Variants in SLC36A1 observed in about 807,000 individuals in gnomAD.
SLC36A1 encodes the protein solute carrier family 36 member 1.
In SLC36A1, 30 loss-of-function variants were observed where a neutral mutation model predicts 47.5. That is an observed-to-expected ratio of 0.63 (90% CI 0.47 to 0.86). The LOEUF is 0.86. SLC36A1 is among the 40% of genes least tolerant of loss of function. The probability of loss-of-function intolerance (pLI) is 0.00; values close to 1 mark genes in which losing one functional copy is unlikely to be tolerated. For synonymous variants in SLC36A1, 255 were observed against 249.7 expected, an observed-to-expected ratio of 1.02 and a Z score of -0.20; for missense variants, 517 against 606.0, an observed-to-expected ratio of 0.85 and a Z score of 1.54.
the SLC36A1 span, among the ~76,000 whole-genome samples, chr5:151,350,010 C>G: frequency 6.6e-6 from 1 of 152,004 alleles, no homozygotes; most frequent in African/African-American, 2.4e-5. Context: ...TGCCTGAGGT[C>G]GTATAATCTG....
chr5:151,454,079 T>G (rs913829030), intron 1 of SLC36A1, among the ~76,000 whole-genome samples: 1 of 136,510 alleles, frequency 7.3e-6, no homozygotes, highest in African/African-American at 2.9e-5. Context: ...GTTTGTACAC[T>G]TAAATTTTTT....
At chr5:151,458,341 T>TATATATATA (rs1561738201) in intron 1 of SLC36A1, among the ~76,000 whole-genome samples, 1 of 108,492 alleles carries the variant, frequency 9.2e-6, no homozygotes, top group African/African-American at 3.2e-5. Context: ...TATGGGATAT[T>TATATATATA]TATATATATA....
intron 1 of SLC36A1, among the ~76,000 whole-genome samples, chr5:151,454,488 T>G (rs1277853308): frequency 1.3e-5 from 2 of 152,122 alleles, no homozygotes; most frequent in African/African-American, 4.8e-5. Flanking sequence ...GCTTGAATCC[T>G]TACATAACTG....
the SLC36A1 span, chr5:151,380,893 G>T: frequency 2.1e-5 from 9 of 418,800 alleles, no homozygotes; most frequent in Non-Finnish European, 3.3e-5. Context: ...TCCAAGGGAC[G>T]GGGCTGCACC....
chr5:151,485,558 C>A (rs866708739), intron 10 of SLC36A1, among the ~76,000 whole-genome samples: 3 of 152,324 alleles, frequency 2.0e-5, no homozygotes, highest in Middle Eastern at 3.4e-3. Context: ...GTCTCCCCTC[C>A]CTCTGCATTT....
chr5:151,443,866 A>G (rs145187591), upstream of SLC36A1, among the ~76,000 whole-genome samples: 278 of 152,238 alleles, frequency 1.8e-3, 1 homozygote, highest in African/African-American at 6.2e-3. Context: ...TAAACATCCA[A>G]TTTCATTCTT....
chr5:151,506,878 C>A, the SLC36A1 span, among the ~76,000 whole-genome samples: 1 of 152,166 alleles, frequency 6.6e-6, no homozygotes, highest in Admixed American at 6.5e-5. Flanking sequence ...TCCAAGGGTT[C>A]TACCCAACCC....
chr5:151,445,299 G>C (rs887025194), upstream of SLC36A1, among the ~76,000 whole-genome samples: 19 of 152,168 alleles, frequency 1.2e-4, no homozygotes, highest in Non-Finnish European at 1.0e-4. Flanking sequence ...ATTAGTGTAT[G>C]TTAAACCAGC....
intron 10 of SLC36A1, chr5:151,480,265 C>T: frequency 2.3e-6 from 1 of 440,850 alleles, no homozygotes; most frequent in Non-Finnish European, 3.9e-6. Flanking sequence ...ATAGATTCCT[C>T]TTTTTGGCTC....
chr5:151,525,945 G>T, the SLC36A1 span: 1 of 1,614,154 alleles, frequency 6.2e-7, no homozygotes, highest in East Asian at 2.2e-5. Context: ...GCAGGACTTT[G>T]CTGCCAATGG....
the SLC36A1 span, chr5:151,540,636 C>T: frequency 6.2e-7 from 1 of 1,614,106 alleles, no homozygotes; most frequent in African/African-American, 1.3e-5. Context: ...AAGCCTGGAA[C>T]TTGCCATCAG....
chr5:151,435,629 T>A (rs1759727309), upstream of SLC36A1, among the ~76,000 whole-genome samples: 1 of 152,114 alleles, frequency 6.6e-6, no homozygotes, highest in African/African-American at 2.4e-5. Flanking sequence ...TTTTTGTTAA[T>A]ACTTTATTAA....
intron 10 of SLC36A1, chr5:151,480,000 C>A: frequency 1.2e-6 from 1 of 834,856 alleles, no homozygotes; most frequent in Non-Finnish European, 1.8e-6. Context: ...ATTGATTAAC[C>A]TAGGTATTTG....
At chr5:151,403,177 C>G in the SLC36A1 span, among the ~76,000 whole-genome samples, 1 of 152,106 alleles carries the variant, frequency 6.6e-6, no homozygotes, top group Admixed American at 6.5e-5. Context: ...ACTGCTTTTG[C>G]TGCACCCCAG....
chr5:151,528,349 A>G, the SLC36A1 span, among the ~76,000 whole-genome samples: 1 of 152,184 alleles, frequency 6.6e-6, no homozygotes, highest in South Asian at 2.1e-4. Flanking sequence ...ACTCTTGCTA[A>G]CAGCATGCTA....
the SLC36A1 span, chr5:151,543,851 G>A: frequency 5.6e-6 from 9 of 1,614,160 alleles, no homozygotes; most frequent in Non-Finnish European, 7.6e-6. Flanking sequence ...ATGAAGAAGT[G>A]CCTGTCCTGA....
chr5:151,385,038 G>GTGTGT, the SLC36A1 span, among the ~76,000 whole-genome samples: 1 of 141,008 alleles, frequency 7.1e-6, no homozygotes, highest in African/African-American at 3.0e-5. Context: ...GTGTGTGTGT[G>GTGTGT]AGAGAGAGAG....
At chr5:151,413,225 G>A in the SLC36A1 span, among the ~76,000 whole-genome samples, 1 of 146,720 alleles carries the variant, frequency 6.8e-6, no homozygotes, top group Non-Finnish European at 1.5e-5. Context: ...GATGACCTAG[G>A]CATCTTTTTT....
At chr5:151,410,005 T>TA in the SLC36A1 span, among the ~76,000 whole-genome samples, 1 of 152,252 alleles carries the variant, frequency 6.6e-6, no homozygotes, top group Non-Finnish European at 1.5e-5. Context: ...CTAAGCCCTT[T>TA]ACATGAATAA....
Sources: gnomAD v4.1 joint callset for allele counts (sites outside exome capture counted in the v4.1 genomes callset) on GRCh38, gnomAD v4.1.1 for gene constraint, MANE v1.5 for transcripts, NCBI Gene and HGNC (gene_info 2026-07-23, HGNC 2026-07-21) for gene names.